Variants in SMG1 observed in about 807,000 individuals in gnomAD.
SMG1 encodes SMG1 nonsense mediated mRNA decay associated PI3K related kinase.
Under a neutral mutation model 419.9 loss-of-function variants are expected in SMG1, and 22 were observed. That is an observed-to-expected ratio of 0.05 (90% CI 0.04 to 0.07). SMG1 has a LOEUF of 0.07. SMG1 is among the 10% of genes least tolerant of loss of function. SMG1 has a pLI of 1.00. For missense variants in SMG1, 3,185 were observed against 4,342.0 expected, an observed-to-expected ratio of 0.73 and a Z score of 7.49; for synonymous variants, 1,538 against 1,553.5, an observed-to-expected ratio of 0.99 and a Z score of 0.23.
chr16:18,923,963 T>C (rs1158904532), intron 1 of SMG1, among the ~76,000 whole-genome samples: 1 of 152,136 alleles, frequency 6.6e-6, no homozygotes, highest in East Asian at 1.9e-4. Flanking sequence ...CAAATCAAGT[T>C]ATGCTATGGG....
intron 1 of SMG1, among the ~76,000 whole-genome samples, chr16:18,921,641 T>G (rs558715624): frequency 1.3e-5 from 2 of 152,306 alleles, no homozygotes; most frequent in East Asian, 3.9e-4. Flanking sequence ...ATAAAATATG[T>G]AACTTCACTT....
rs371374711 is a variant in SMG1 at position 18,869,141 on chromosome 16, T to C, written c.2796A>G (p.Pro932=). 1.9e-4 allele frequency: 308 copies of C among 1,611,708 alleles called. 5 individuals carry two copies. In the Admixed American group the frequency reaches 5.0e-3, roughly 26 times the overall value. ...GGAAGGTGTCTTGAGCTCTGCCCAGTGGGGTTCTCAGCTTAGAAAGAACAG... is the reference window on the plus strand; with the variant it reads ...GGAAGGTGTCTTGAGCTCTGCCCAGCGGGGTTCTCAGCTTAGAAAGAACAG... ...QFTVLSKLRT[P]LGRAQDTFQT... is the part of the protein sequence containing the mutation. The change falls in exon 20 of 63, where the codon CCA becomes CCG. Residue 932 remains proline, a synonymous_variant. Coordinates refer to ENST00000446231, the MANE Select transcript of SMG1 (RefSeq NM_015092.5).
intron 41 of SMG1, among the ~76,000 whole-genome samples, chr16:18,841,358 A>G (rs2033909642): frequency 1.4e-5 from 2 of 147,000 alleles, no homozygotes; most frequent in African/African-American, 5.1e-5. Context: ...AAACCACACC[A>G]CTGCACTCCA....
rs181419938 is a variant in SMG1 at position 18,919,917 on chromosome 16, C to G, written c.92+6033G>C. ...TTCGGGACCAGCCTGGCCAACATGGCGAAACCCTGTCTCTAATACAAAAAT... is the reference window on the plus strand; with the variant it reads ...TTCGGGACCAGCCTGGCCAACATGGGGAAACCCTGTCTCTAATACAAAAAT... On this transcript the variant is annotated intron_variant, in intron 1 of 62. Transcript: ENST00000446231. 2.1e-3 allele frequency among the ~76,000 whole-genome samples: 320 copies of G among 150,996 alleles called. 1 individual carries two copies. The highest frequency in any genetic ancestry group is 7.5e-3 in the African/African-American group (308 of 41,116).
chr16:18,901,079 C>T (rs891372087), intron 1 of SMG1, among the ~76,000 whole-genome samples: 11 of 152,116 alleles, frequency 7.2e-5, no homozygotes, highest in Non-Finnish European at 1.5e-4. Context: ...TTTAATAGAA[C>T]CATTCCATGT....
intron 54 of SMG1, among the ~76,000 whole-genome samples, chr16:18,829,001 A>C (rs916670947): frequency 2.0e-5 from 3 of 150,476 alleles, no homozygotes; most frequent in African/African-American, 7.3e-5. Context: ...TCCATCTCAA[A>C]AAAAAAAAAA....
intron 1 of SMG1, among the ~76,000 whole-genome samples, chr16:18,907,724 C>T (rs1261103914): frequency 1.3e-5 from 2 of 151,296 alleles, no homozygotes; most frequent in Non-Finnish European, 2.9e-5. Context: ...GGTGGTGCAG[C>T]GCCTGTAGTC....
chr16:18,859,393 T>G (rs2035090851), intron 27 of SMG1, 163 bp downstream of exon 27: 1 of 719,646 alleles, frequency 1.4e-6, no homozygotes, highest in South Asian at 1.9e-5. Context: ...CAGTTTATGT[T>G]GGCAAGCAGC....
intron 1 of SMG1, among the ~76,000 whole-genome samples, chr16:18,914,503 T>C (rs1403995958): frequency 6.6e-6 from 1 of 151,662 alleles, no homozygotes; most frequent in Non-Finnish European, 1.5e-5. Context: ...GCCAAGACGG[T>C]GAAACCCCAT....
In SMG1 at chr16:18,809,611, A is replaced by G; in HGVS notation, c.10944T>C (p.Asp3648=). 6.2e-7 allele frequency: 1 copy of G among 1,611,044 alleles called. No individual in the cohort carries two copies. Among genetic ancestry groups the G allele is most frequent in the Non-Finnish European group, 8.5e-7 (1 of 1,178,558 alleles). The change falls in exon 63 of 63, where the codon GAT becomes GAC. Residue 3648 remains aspartate, a synonymous_variant. Coordinates refer to ENST00000446231, the MANE Select transcript of SMG1 (RefSeq NM_015092.5). ...DYVIKEATNL[D]NLAQLYEGWT... Reference sequence around the variant, plus strand: ...AACCTTCATACAGCTGAGCCAAGTTATCTAGATTAGTTGCTTCCTTAATGA... The same window carrying G: ...AACCTTCATACAGCTGAGCCAAGTTGTCTAGATTAGTTGCTTCCTTAATGA...
Position 18,871,390 on chromosome 16 carries a change from T to G in SMG1, c.2276A>C (p.Lys759Thr), listed in dbSNP as rs778348730. ...GTTGGCTAAAAGGCCTTTGCAAAATTTATGGAAAGACGGAAGAGAGAATAA... is the reference window on the plus strand; with the variant it reads ...GTTGGCTAAAAGGCCTTTGCAAAATGTATGGAAAGACGGAAGAGAGAATAA... ...APLFSLPSFH[K>T]FCKGLLANTL... The change falls in exon 16 of 63, where the codon AAA becomes ACA. Residue 759 changes from lysine (K) to threonine (T), a missense_variant. Lys to Thr is a moderately conservative substitution (Grantham distance 78). Around this residue, in one of 27 missense-constraint regions of SMG1, gnomAD observed 297 missense variants for 491.0 expected, o/e 0.60. Coordinates refer to ENST00000446231, the MANE Select transcript of SMG1 (RefSeq NM_015092.5). The G allele has an allele frequency of 6.3e-7, 1 of 1,583,458 alleles. No homozygotes were observed. Among genetic ancestry groups the G allele is most frequent in the South Asian group, 1.2e-5 (1 of 85,056 alleles).
intron 57 of SMG1, among the ~76,000 whole-genome samples, chr16:18,817,073 A>C (rs976313245): frequency 8.0e-6 from 1 of 124,742 alleles, no homozygotes; most frequent in Non-Finnish European, 1.6e-5. Flanking sequence ...GATCCTTTAC[A>C]CTTCCTCATT....
rs777224856 is a variant in SMG1 at position 18,845,590 on chromosome 16, C to T, written c.6058G>A (p.Ala2020Thr). ...HTALMKPIVF[A>T]LEHVRSITAA... ...GTGATACTCCTCACATGCTCCAAAG[C>T]AAATACGATGGGCTTCATCAAAGCT... Residue 2020 changes from alanine to threonine, a missense_variant, in exon 39 of 63, where the codon GCT (alanine) becomes ACT (threonine). Physicochemically the swap from Ala to Thr is moderately conservative, Grantham distance 58. Around this residue, in one of 27 missense-constraint regions of SMG1, gnomAD observed 159 missense variants for 196.0 expected, o/e 0.81. Coordinates refer to ENST00000446231, the MANE Select transcript of SMG1 (RefSeq NM_015092.5). 26 of 1,613,490 alleles carry T rather than the reference C, an allele frequency of 1.6e-5. No individual in the cohort carries two copies. In the East Asian group the frequency reaches 4.7e-4, roughly 29 times the overall value.
Position 18,836,607 on chromosome 16 carries a change from T to C in SMG1, c.7605-75A>G, listed in dbSNP as rs758247663. ...CCACATACTTTCCTACCCTGGAATG[T>C]GCTCACACATGGACTGTCTGGTACG... On this transcript the variant is annotated intron_variant, in intron 46 of 62. Coordinates refer to ENST00000446231, the MANE Select transcript of SMG1 (RefSeq NM_015092.5). 793 of 1,478,644 alleles carry C rather than the reference T, an allele frequency of 5.4e-4. 1 individual carries two copies. Among genetic ancestry groups the C allele is most frequent in the South Asian group, 1.0e-3 (85 of 80,984 alleles). 91.6% of individuals were successfully genotyped at this position (1,478,644 alleles called of 1,614,324 possible).
At chr16:18,923,455 C>T (rs923023794) in intron 1 of SMG1, among the ~76,000 whole-genome samples, 1 of 152,038 alleles carries the variant, frequency 6.6e-6, no homozygotes, top group African/African-American at 2.4e-5. Context: ...AACAGGCTGG[C>T]CAACATGGTG....
chr16:18,851,671 T>A (rs574435904), intron 33 of SMG1, among the ~76,000 whole-genome samples: 2 of 152,202 alleles, frequency 1.3e-5, no homozygotes, highest in Admixed American at 1.3e-4. Context: ...GCCTCCCGAG[T>A]AGCTGGCATT....
chr16:18,816,548 T>G lies in SMG1; in HGVS notation c.10075-19A>C. The G allele has an allele frequency of 6.2e-7, 1 of 1,600,758 alleles. No individual in the cohort carries two copies. The highest frequency in any genetic ancestry group is 8.5e-7 in the Non-Finnish European group (1 of 1,170,722). On this transcript the variant is annotated intron_variant, in intron 57 of 62. Coordinates refer to ENST00000446231, the MANE Select transcript of SMG1 (RefSeq NM_015092.5). ...CAGTGTCCTAAATAGAACAAGCATT[T>G]GTTTGACTTCGAGTATCAGCTGAAA...
chr16:18,917,891 A>G (rs1323281900), intron 1 of SMG1, among the ~76,000 whole-genome samples: 5 of 151,442 alleles, frequency 3.3e-5, no homozygotes, highest in African/African-American at 4.9e-5. Context: ...CACTTTTTCA[A>G]GAAGCAACTA....
At chr16:18,895,296 T>C (rs572031955) in intron 3 of SMG1, among the ~76,000 whole-genome samples, 105 of 151,902 alleles carry the variant, frequency 6.9e-4, no homozygotes, top group African/African-American at 2.3e-3. Context: ...CTGGCCAACA[T>C]GGTGAAACCC....
Sources: gnomAD v4.1 joint callset for allele counts (sites outside exome capture counted in the v4.1 genomes callset) on GRCh38, gnomAD v4.1.1 for gene constraint, gnomAD v4.1.1 regional missense constraint, MANE v1.5 for transcripts, NCBI Gene and HGNC (gene_info 2026-07-23, HGNC 2026-07-21) for gene names.